Variants in SLC67A1 observed in about 807,000 individuals in gnomAD.
The protein encoded by SLC67A1 is solute carrier family 67 member A1.
At chr11:2,911,164 C>T in the SLC67A1 span, among the ~76,000 whole-genome samples, 11 of 152,104 alleles carry the variant, frequency 7.2e-5, no homozygotes, top group Admixed American at 5.9e-4. Flanking sequence ...CAGTGCCAGC[C>T]GCAGAAGCCT....
chr11:2,922,206 G>T, the SLC67A1 span: 2 of 1,611,768 alleles, frequency 1.2e-6, no homozygotes, highest in Non-Finnish European at 1.7e-6. Flanking sequence ...TGGCCATGGT[G>T]AGGGCTCCCC....
the SLC67A1 span, chr11:2,909,776 C>G: frequency 7.2e-7 from 1 of 1,382,554 alleles, no homozygotes. Flanking sequence ...GGCCCCGCCC[C>G]GCCTCCTCTT....
At chr11:2,916,897 A>T in the SLC67A1 span, 1 of 640,556 alleles carries the variant, frequency 1.6e-6, no homozygotes, top group East Asian at 2.8e-5. Flanking sequence ...AGCTGCTGAC[A>T]TCATAGAAGC....
the SLC67A1 span, chr11:2,902,085 G>T: frequency 6.6e-6 from 1 of 152,326 alleles, no homozygotes; most frequent in Admixed American, 6.5e-5. Flanking sequence ...GCGAAGCCGG[G>T]CACGGGGCGA....
the SLC67A1 span, among the ~76,000 whole-genome samples, chr11:2,907,050 G>A: frequency 6.6e-6 from 1 of 152,026 alleles, no homozygotes; most frequent in Non-Finnish European, 1.5e-5. This position sits in a 1 kb window ranked among gnomAD's most constrained non-coding sequence, Gnocchi z 6.7. Context: ...CCTCGAGGGA[G>A]CAGGGATGGA....
At chr11:2,922,293 G>A in the SLC67A1 span, 1 of 1,501,448 alleles carries the variant, frequency 6.7e-7, no homozygotes, top group Admixed American at 1.7e-5. Flanking sequence ...AGCCCTTGGG[G>A]ACTCCTCCAG....
At chr11:2,900,004 T>C in the SLC67A1 span, among the ~76,000 whole-genome samples, 1 of 152,202 alleles carries the variant, frequency 6.6e-6, no homozygotes, top group African/African-American at 2.4e-5. Flanking sequence ...AGGGTTCATG[T>C]GGATGCCCAT....
At chr11:2,924,174 G>A in the SLC67A1 span, among the ~76,000 whole-genome samples, 14 of 152,246 alleles carry the variant, frequency 9.2e-5, no homozygotes, top group South Asian at 6.2e-4. This position sits in a 1 kb window ranked among gnomAD's most constrained non-coding sequence, Gnocchi z 8.6. Context: ...TCCATGCTGC[G>A]GGTAGCTGGC....
the SLC67A1 span, chr11:2,909,460 C>G: frequency 2.1e-6 from 3 of 1,418,788 alleles, no homozygotes; most frequent in African/African-American, 1.6e-5. Flanking sequence ...GGGTCTGGCC[C>G]TAAGGGCTGG....
chr11:2,924,886 G>A, the SLC67A1 span: 2 of 795,028 alleles, frequency 2.5e-6, no homozygotes, highest in Admixed American at 2.7e-5. This position sits in a 1 kb window ranked among gnomAD's most constrained non-coding sequence, Gnocchi z 8.6. Flanking sequence ...GACTATGCAA[G>A]GTGCGGACTG....
At chr11:2,911,413 G>A in the SLC67A1 span, among the ~76,000 whole-genome samples, 5 of 151,896 alleles carry the variant, frequency 3.3e-5, no homozygotes, top group South Asian at 1.0e-3. Flanking sequence ...AGCAGGGACG[G>A]CTCACCCTGG....
At chr11:2,913,699 G>C in the SLC67A1 span, among the ~76,000 whole-genome samples, 1 of 152,216 alleles carries the variant, frequency 6.6e-6, no homozygotes, top group Non-Finnish European at 1.5e-5. Context: ...TTGTGAGCTA[G>C]GTGTCCCACA....
chr11:2,924,163 G>A, the SLC67A1 span, among the ~76,000 whole-genome samples: 9 of 152,370 alleles, frequency 5.9e-5, no homozygotes, highest in Non-Finnish European at 8.8e-5. The surrounding 1 kb of genome is among the most constrained non-coding windows in gnomAD (Gnocchi z 8.6). Context: ...CCACGTGCCC[G>A]TCCATGCTGC....
At chr11:2,910,505 TG>T in the SLC67A1 span, among the ~76,000 whole-genome samples, 1 of 151,882 alleles carries the variant, frequency 6.6e-6, no homozygotes, top group Non-Finnish European at 1.5e-5. Flanking sequence ...GCAGAGGCCC[TG>T]GGTGTGGAAG....
the SLC67A1 span, chr11:2,909,841 C>T: frequency 5.8e-6 from 6 of 1,027,802 alleles, no homozygotes; most frequent in Non-Finnish European, 6.7e-6. Flanking sequence ...GATGTGGCTA[C>T]TGGGGACGTC....
chr11:2,910,089 G>C, the SLC67A1 span, among the ~76,000 whole-genome samples: 2 of 152,166 alleles, frequency 1.3e-5, no homozygotes, highest in South Asian at 4.1e-4. Flanking sequence ...GCTGTTGGAC[G>C]GTGCCCAGAG....
At chr11:2,915,439 T>G in the SLC67A1 span, among the ~76,000 whole-genome samples, 8 of 152,270 alleles carry the variant, frequency 5.3e-5, no homozygotes, top group East Asian at 1.6e-3. Context: ...GCCTGTGCCC[T>G]GAGGCCCTGG....
chr11:2,899,951 G>A, the SLC67A1 span: 5 of 484,816 alleles, frequency 1.0e-5, no homozygotes, highest in Admixed American at 3.5e-5. Context: ...GGAGGCGTCT[G>A]GAACCTGTTG....
chr11:2,919,120 A>G, the SLC67A1 span: 1 of 356,750 alleles, frequency 2.8e-6, no homozygotes, highest in Non-Finnish European at 5.1e-6. Flanking sequence ...CACTTTCCAC[A>G]CCAGGGATAC....
Sources: allele counts gnomAD v4.1 joint callset (sites outside exome capture counted in the v4.1 genomes callset), GRCh38; gene constraint gnomAD v4.1.1; non-coding constraint Gnocchi (gnomAD v3.1); transcripts MANE v1.5; gene names NCBI Gene and HGNC (gene_info 2026-07-23, HGNC 2026-07-21).